The following PCNT variants were observed in gnomAD, a reference collection of about 807,000 sequenced individuals.
The protein encoded by PCNT is pericentrin.
A neutral mutation model predicts 380.4 loss-of-function variants in PCNT; 319 were observed. The observed-to-expected ratio is 0.84, with a 90% confidence interval of 0.77 to 0.92. The LOEUF (loss-of-function observed/expected upper bound fraction) is 0.92, where lower values mean the gene tolerates loss of function less well. Ranked by LOEUF, PCNT falls within the 40% of genes least tolerant of loss-of-function variation. The pLI is 0.00. For synonymous variants in PCNT, 1,845 were observed against 1,735.2 expected (o/e 1.06, Z -1.57); for missense variants, 4,400 against 4,255.3 (o/e 1.03, Z -0.95).
chr21:46,335,197 C>G (rs1204957132), intron 3 of PCNT, among the ~76,000 whole-genome samples: 1 of 152,164 alleles, frequency 6.6e-6, no homozygotes, highest in East Asian at 1.9e-4. Flanking sequence ...CAGTTTGTGA[C>G]TGGAAGTCCT....
chr21:46,431,333 T>C (rs755179311), intron 37 of PCNT, 196 bp from the exon 38 acceptor site: 27 of 1,437,998 alleles, frequency 1.9e-5, no homozygotes, highest in Non-Finnish European at 2.3e-5. Flanking sequence ...GAAAAAAGTA[T>C]GTCATCTCCG....
At chr21:46,342,927 C>G (rs2083951289) in intron 3 of PCNT, among the ~76,000 whole-genome samples, 2 of 152,086 alleles carry the variant, frequency 1.3e-5, no homozygotes, top group African/African-American at 4.8e-5. Context: ...TTTTTTGCAG[C>G]CATCGTAAAA....
chr21:46,347,480 T>A lies in PCNT; in HGVS notation c.1000T>A (p.Ser334Thr), dbSNP rs772659788. Residue 334 changes from serine to threonine, a missense_variant, in exon 6 of 47, where the codon TCA becomes ACA. Coordinates refer to ENST00000359568, the MANE Select transcript of PCNT (RefSeq NM_006031.6). ...AGCTGAGCTGAAGGAGAAGTTACAA[T>A]CAGAAATGGAGAAAAACGCCCAGAT... ...EAAELKEKLQSEMEKNAQIVK... is the reference protein window; with the variant it reads ...EAAELKEKLQTEMEKNAQIVK... 2 of 1,613,806 alleles carry A rather than the reference T, an allele frequency of 1.2e-6. No individual in the cohort carries two copies. Among genetic ancestry groups the A allele is most frequent in the Non-Finnish European group, 8.5e-7 (1 of 1,179,882 alleles).
intron 3 of PCNT, among the ~76,000 whole-genome samples, chr21:46,337,189 C>T (rs950945504): frequency 6.6e-6 from 1 of 152,034 alleles, no homozygotes; most frequent in African/African-American, 2.4e-5. Flanking sequence ...GTTGGTCAGG[C>T]TGGTCTCCAA....
At chr21:46,414,771 CCTGGACACACAGCCGCCCACT>C (rs2086951572) in intron 29 of PCNT, among the ~76,000 whole-genome samples, 2 of 146,552 alleles carry the variant, frequency 1.4e-5, no homozygotes, top group Non-Finnish European at 3.0e-5. Context: ...CCACCCTCCT[CCTGGACACACAGCCGCCCACT>C]CTCCTCCTCC....
chr21:46,436,227 C>T (rs1487943682), intron 39 of PCNT, 79 bp downstream of exon 39: 12 of 1,547,380 alleles, frequency 7.8e-6, no homozygotes, highest in East Asian at 2.3e-5. Context: ...AGGGCTGGGG[C>T]GCGTCTGGTG....
chr21:46,405,085 A>T (rs1366906026), intron 27 of PCNT, among the ~76,000 whole-genome samples: 13 of 152,200 alleles, frequency 8.5e-5, no homozygotes, highest in Admixed American at 2.6e-4. Context: ...AAATTTTTTT[A>T]AAAAATTTAG....
chr21:46,376,456 G>T (rs776648249), intron 15 of PCNT, among the ~76,000 whole-genome samples: 1 of 152,224 alleles, frequency 6.6e-6, no homozygotes, highest in African/African-American at 2.4e-5. Context: ...GTGGATGCCA[G>T]GAGGGAAGCG....
At chr21:46,399,484 A>T (rs747617991) in intron 24 of PCNT, 106 bp from the exon 25 acceptor site, 1 of 811,462 alleles carries the variant, frequency 1.2e-6, no homozygotes, top group East Asian at 2.6e-5. Flanking sequence ...AGGGGAGGGC[A>T]TAGGGCATCT....
Position 46,355,224 on chromosome 21 carries a change from A to C in PCNT, c.1762-228A>C, listed in dbSNP as rs893212572. ...AGCACCAGTCCCTGTCAGTGCCACC[A>C]ATTCTTGTATGTCTTCCGGAGGCCT... On this transcript the variant is annotated intron_variant, in intron 11 of 46. Transcript: ENST00000359568. Among the ~76,000 whole-genome samples the C allele has an allele frequency of 2.0e-5, 3 of 152,144 alleles. No homozygotes were observed. The East Asian group carries it at 5.8e-4, about 29-fold the overall frequency.
At position 46,417,894 on chromosome 21, in the gene PCNT, C is replaced by A. The variant is rs57819744; in HGVS notation, c.6922-310C>A. Among the ~76,000 whole-genome samples, 8,007 of 152,232 alleles carry A rather than the reference C, an allele frequency of 0.053. 455 individuals are homozygous for A. Among genetic ancestry groups the A allele is most frequent in the African/African-American group, 0.14 (5,997 of 41,502 alleles). ...CTCCAGCCTGGGTGACAGAGTGAGA[C>A]CCTCCCTCAAAAAATAATAATTTAG... On this transcript the variant is annotated intron_variant, in intron 30 of 46. Coordinates refer to ENST00000359568, the MANE Select transcript of PCNT (RefSeq NM_006031.6).
chr21:46,416,674 C>T lies in PCNT; in HGVS notation c.6756C>T (p.Ser2252=), dbSNP rs1403337076. The change falls in exon 30 of 47, where the codon AGC becomes AGT. Residue 2252 remains serine (S), a synonymous_variant. Transcript: ENST00000359568. ...LPVTPHSGAL[S]LCSADTSLGD... is the part of the protein sequence containing the mutation. ...TGACACCCCACTCAGGAGCCCTGAGCCTGTGCAGTGCCGACACATCCCTGG... is the reference window on the plus strand; with the variant it reads ...TGACACCCCACTCAGGAGCCCTGAGTCTGTGCAGTGCCGACACATCCCTGG... The T allele has an allele frequency of 6.4e-7, 1 of 1,565,082 alleles. No individual in the cohort carries two copies. Among genetic ancestry groups the T allele is most frequent in the East Asian group, 2.2e-5 (1 of 44,546 alleles).
chr21:46,402,967 T>A (rs2086478898), intron 27 of PCNT, among the ~76,000 whole-genome samples: 1 of 152,260 alleles, frequency 6.6e-6, no homozygotes, highest in African/African-American at 2.4e-5. Flanking sequence ...AATCTTTTAT[T>A]TTAATGTAGC....
At chr21:46,330,689 A>G (rs557618337) in intron 2 of PCNT, among the ~76,000 whole-genome samples, 1 of 152,342 alleles carries the variant, frequency 6.6e-6, no homozygotes, top group South Asian at 2.1e-4. Context: ...TATGCCTTTA[A>G]TCCAGTTGTA....
At chr21:46,406,770 T>G (rs1168529493) in intron 27 of PCNT, among the ~76,000 whole-genome samples, 1 of 152,236 alleles carries the variant, frequency 6.6e-6, no homozygotes, top group Non-Finnish European at 1.5e-5. Flanking sequence ...TTCTGTTATA[T>G]TTCTAGTTTG....
chr21:46,438,407 C>T (rs1468254791), intron 41 of PCNT, 70 bp downstream of exon 41: 1 of 1,442,978 alleles, frequency 6.9e-7, no homozygotes, highest in African/African-American at 1.4e-5. Context: ...CTCCACCCCA[C>T]AAGAGGCCGG....
intron 17 of PCNT, 40 bp downstream of exon 17, chr21:46,386,023 C>G: frequency 6.2e-7 from 1 of 1,611,788 alleles, no homozygotes; most frequent in East Asian, 2.2e-5. Flanking sequence ...TTGTGGCCGC[C>G]AGCACCCGCT....
At chr21:46,437,241 C>T (rs1180438472) in intron 40 of PCNT, among the ~76,000 whole-genome samples, 160 bp downstream of exon 40, 1 of 152,110 alleles carries the variant, frequency 6.6e-6, no homozygotes, top group Admixed American at 6.6e-5. Context: ...TGGGGTCGAC[C>T]CTGTGGGCCG....
chr21:46,406,166 G>A lies in PCNT; in HGVS notation c.5115+3683G>A, dbSNP rs116310457. 6.2e-3 allele frequency among the ~76,000 whole-genome samples: 940 copies of A among 152,292 alleles called. 11 individuals are homozygous for A. The highest frequency in any genetic ancestry group is 0.022 in the African/African-American group (904 of 41,554). On this transcript the variant is annotated intron_variant, in intron 27 of 46. Coordinates refer to ENST00000359568, the MANE Select transcript of PCNT (RefSeq NM_006031.6). ...GAAACGGAGCTCCCGTCTCCCTGGC[G>A]TGGTCGTGGTTGTTGTCACTTGTTC...
Sources: allele counts gnomAD v4.1 joint callset (sites outside exome capture counted in the v4.1 genomes callset), GRCh38; gene constraint gnomAD v4.1.1; transcripts MANE v1.5; gene names NCBI Gene and HGNC (gene_info 2026-07-23, HGNC 2026-07-21).